CEP63: variants seen among roughly 807,000 people sequenced by gnomAD.
CEP63 encodes the protein centrosomal protein of 63 kDa.
CEP63 carries 84 observed loss-of-function variants against 89.1 expected under a neutral mutation model. The ratio of observed to expected loss-of-function variants is 0.94; its 90% CI spans 0.79 to 1.13. The LOEUF is 1.13. CEP63 is among the 50% of genes most tolerant of loss of function. CEP63 has a pLI of 0.00. For synonymous variants in CEP63, 267 were observed against 272.5 expected, an observed-to-expected ratio of 0.98 and a Z score of 0.20; for missense variants, 838 against 813.3, an observed-to-expected ratio of 1.03 and a Z score of -0.37.
At chr3:134,555,272 G>A (rs1246145695) in intron 12 of CEP63, among the ~76,000 whole-genome samples, 1 of 152,116 alleles carries the variant, frequency 6.6e-6, no homozygotes. Context: ...GTTCTGGCCA[G>A]GGCAATTAGG....
the CEP63 span, among the ~76,000 whole-genome samples, chr3:134,758,943 T>C: frequency 6.6e-6 from 1 of 152,186 alleles, no homozygotes; most frequent in Non-Finnish European, 1.5e-5. Context: ...CTGAATTACC[T>C]AGGTGGTCTG....
the CEP63 span, among the ~76,000 whole-genome samples, chr3:134,667,115 A>G: frequency 6.6e-6 from 1 of 152,040 alleles, no homozygotes. Flanking sequence ...CTCATTCATC[A>G]CCATCTTTTT....
At chr3:134,549,566 A>G (rs1954350194) in intron 10 of CEP63, among the ~76,000 whole-genome samples, 1 of 152,186 alleles carries the variant, frequency 6.6e-6, no homozygotes, top group Non-Finnish European at 1.5e-5. Flanking sequence ...TGTAGTTAGT[A>G]TCCTTGTCAG....
chr3:134,701,348 A>G, the CEP63 span, among the ~76,000 whole-genome samples: 1 of 19,178 alleles, frequency 5.2e-5, no homozygotes, highest in African/African-American at 8.5e-5. Flanking sequence ...ATATACGTAT[A>G]TATGTGTATA....
chr3:134,749,705 CAAAAAAAAAAAAAAAAAA>C, the CEP63 span, among the ~76,000 whole-genome samples: 1 of 49,408 alleles, frequency 2.0e-5, no homozygotes, highest in African/African-American at 6.7e-5. Context: ...AGGGGTTGTT[CAAAAAAAAAAAAAAAAAA>C]AAAAAAAAAA....
chr3:134,701,590 G>A, the CEP63 span, among the ~76,000 whole-genome samples: 1 of 151,548 alleles, frequency 6.6e-6, no homozygotes, highest in East Asian at 1.9e-4. Flanking sequence ...AATAATAAGA[G>A]CCATATATAA....
At chr3:134,741,812 C>G in the CEP63 span, among the ~76,000 whole-genome samples, 5 of 152,134 alleles carry the variant, frequency 3.3e-5, no homozygotes, top group Non-Finnish European at 7.3e-5. Context: ...TTGTTTGCTC[C>G]CTTCTGCAGT....
chr3:134,496,440 G>GC (rs1553742044), intron 2 of CEP63, among the ~76,000 whole-genome samples: 3 of 148,220 alleles, frequency 2.0e-5, no homozygotes, highest in African/African-American at 2.5e-5. Context: ...AAGGGGGGGG[G>GC]GGCTAAAGAA....
intron 9 of CEP63, among the ~76,000 whole-genome samples, chr3:134,548,330 C>G (rs1954036905): frequency 2.0e-5 from 3 of 152,190 alleles, no homozygotes; most frequent in Admixed American, 6.5e-5. Context: ...GAAGGGGTAA[C>G]AGTTGACACA....
At chr3:134,737,338 G>T in the CEP63 span, among the ~76,000 whole-genome samples, 1 of 152,158 alleles carries the variant, frequency 6.6e-6, no homozygotes, top group East Asian at 1.9e-4. Flanking sequence ...ATTGTCAAAA[G>T]ATCCTACAAA....
At chr3:134,539,636 C>T (rs924875052) in intron 6 of CEP63, among the ~76,000 whole-genome samples, 5 of 152,016 alleles carry the variant, frequency 3.3e-5, no homozygotes, top group African/African-American at 1.2e-4. Context: ...CACCATTGAA[C>T]AATGACAGTA....
chr3:134,496,466 C>G (rs1013050975), intron 2 of CEP63, among the ~76,000 whole-genome samples: 1 of 147,628 alleles, frequency 6.8e-6, no homozygotes, highest in Admixed American at 6.8e-5. Context: ...CCAAAGAGAA[C>G]AACTGGACAA....
downstream of CEP63, among the ~76,000 whole-genome samples, chr3:134,569,226 A>T (rs1203481917): frequency 1.3e-5 from 2 of 152,020 alleles, no homozygotes; most frequent in Admixed American, 1.3e-4. Flanking sequence ...ACATTTCAAA[A>T]CCAATCATGC....
At chr3:134,586,771 T>C (rs1157508662) in intron 10 of CEP63, among the ~76,000 whole-genome samples, 1 of 152,196 alleles carries the variant, frequency 6.6e-6, no homozygotes, top group Non-Finnish European at 1.5e-5. Flanking sequence ...TCCTGTATAA[T>C]ATCCTGAAGA....
chr3:134,757,364 C>T, the CEP63 span, among the ~76,000 whole-genome samples: 1 of 152,196 alleles, frequency 6.6e-6, no homozygotes, highest in African/African-American at 2.4e-5. Flanking sequence ...CTCAAACTCC[C>T]ATTTCACAGA....
intron 6 of CEP63, among the ~76,000 whole-genome samples, chr3:134,543,120 A>T (rs1952395407): frequency 6.6e-6 from 1 of 152,214 alleles, no homozygotes; most frequent in South Asian, 2.1e-4. Flanking sequence ...CATGTAATTT[A>T]AAATTTTCTA....
chr3:134,529,412 C>T (rs551241841), intron 3 of CEP63, among the ~76,000 whole-genome samples: 1 of 143,324 alleles, frequency 7.0e-6, no homozygotes, highest in East Asian at 2.1e-4. Context: ...GCCATCTCAG[C>T]TCAGTGCAAC....
At chr3:134,584,441 G>T (rs1958433961) in intron 10 of CEP63, among the ~76,000 whole-genome samples, 1 of 152,118 alleles carries the variant, frequency 6.6e-6, no homozygotes, top group Non-Finnish European at 1.5e-5. Context: ...TAATCATGTG[G>T]TTTTTGTCGT....
chr3:134,630,754 G>A, the CEP63 span, among the ~76,000 whole-genome samples: 2 of 152,196 alleles, frequency 1.3e-5, no homozygotes, highest in Admixed American at 6.5e-5. Context: ...ACTCAGCTAG[G>A]AAGACTCAGG....
Sources: allele counts gnomAD v4.1 joint callset (sites outside exome capture counted in the v4.1 genomes callset), GRCh38; gene constraint gnomAD v4.1.1; transcripts MANE v1.5; gene names NCBI Gene and HGNC (gene_info 2026-07-23, HGNC 2026-07-21).